Variants in KIF21A observed in about 807,000 individuals in gnomAD.
The protein encoded by KIF21A is kinesin family member 21A, also known as kinesin-like protein KIF21A.
A neutral mutation model predicts 202.9 loss-of-function variants in KIF21A; 114 were observed. The ratio of observed to expected loss-of-function variants is 0.56; its 90% confidence interval spans 0.48 to 0.66. KIF21A has a LOEUF of 0.66. Ranked by LOEUF, KIF21A falls within the 30% of genes least tolerant of loss-of-function variation. The probability of loss-of-function intolerance (pLI) is 0.00; values close to 1 mark genes in which losing one functional copy is unlikely to be tolerated. For synonymous variants in KIF21A, 667 were observed against 670.8 expected, an observed-to-expected ratio of 0.99 and a Z score of 0.09; for missense variants, 1,677 against 1,994.9, an observed-to-expected ratio of 0.84 and a Z score of 3.04.
chr12:39,301,537 T>A lies in KIF21A; in HGVS notation c.4874A>T (p.His1625Leu). ...TFMPVGEMKG[H>L]DSPINAICVN... ...ACATATGGCATTGATAGGACTATCA[T>A]GACCCTTCATCTCTCCCACTGGCAT... Residue 1625 changes from histidine (H) to leucine (L), a missense_variant, in exon 37 of 38, where the codon CAT (histidine) becomes CTT (leucine). Transcript: ENST00000361418. 6.2e-7 allele frequency: 1 copy of A among 1,614,144 alleles called. No homozygotes were observed. The highest frequency in any genetic ancestry group is 8.5e-7 in the Non-Finnish European group (1 of 1,179,990).
intron 35 of KIF21A, among the ~76,000 whole-genome samples, chr12:39,303,791 T>A (rs1182806309): frequency 6.6e-6 from 1 of 152,212 alleles, no homozygotes; most frequent in Admixed American, 6.5e-5. Flanking sequence ...AAGCTGCTGT[T>A]CAAAATCGTT....
chr12:39,391,853 C>T (rs1951379367), intron 1 of KIF21A, among the ~76,000 whole-genome samples: 1 of 151,988 alleles, frequency 6.6e-6, no homozygotes, highest in African/African-American at 2.4e-5. Context: ...AATTTTCTGC[C>T]CCAGCCTCCT....
chr12:39,319,442 G>C (rs1944960866), intron 28 of KIF21A, among the ~76,000 whole-genome samples: 1 of 152,080 alleles, frequency 6.6e-6, no homozygotes, highest in African/African-American at 2.4e-5. Context: ...AAACATGAGA[G>C]AGCAACAAGA....
intron 34 of KIF21A, among the ~76,000 whole-genome samples, chr12:39,306,694 G>T (rs1368079303): frequency 6.6e-6 from 1 of 152,048 alleles, no homozygotes; most frequent in East Asian, 1.9e-4. Flanking sequence ...CTGTTTAATG[G>T]CCTTTATTCT....
chr12:39,329,798 T>TA (rs548544572), intron 24 of KIF21A, among the ~76,000 whole-genome samples: 21 of 152,038 alleles, frequency 1.4e-4, no homozygotes, highest in Non-Finnish European at 2.8e-4. Flanking sequence ...AGTGTGTGCT[T>TA]AAATTTACAA....
chr12:39,358,340 T>C lies in KIF21A; in HGVS notation c.1053A>G (p.Ser351=). ...TTAACGTTTCCATAAAGTCTCTGTC[T>C]GAAGGGCTGACACATGCTATCATGA... ...QTIMIACVSP[S]DRDFMETLNT... Residue 351 remains serine, a synonymous_variant, in exon 8 of 38, where the codon TCA becomes TCG. Transcript: ENST00000361418. 6.2e-7 allele frequency: 1 copy of C among 1,614,110 alleles called. No individual in the cohort carries two copies.
intron 11 of KIF21A, 96 bp from the exon 12 acceptor site, chr12:39,346,600 A>G: frequency 1.3e-6 from 1 of 759,152 alleles, no homozygotes; most frequent in Non-Finnish European, 1.9e-6. Context: ...AAAATGATAC[A>G]TGAGCTTGAA....
chr12:39,331,175 T>C lies in KIF21A; in HGVS notation c.3154-264A>G, dbSNP rs562390931. Among the ~76,000 whole-genome samples, 3 of 151,190 alleles carry C rather than the reference T, an allele frequency of 2.0e-5. No homozygotes were observed. In the East Asian group the frequency reaches 5.8e-4, roughly 29 times the overall value. ...AGCACATTGTGAAAATTAAGTGAGA[T>C]GGCATAAGAACAGAAAGAATCTAAC... On this transcript the variant is annotated intron_variant, in intron 22 of 37. Transcript: ENST00000361418.
chr12:39,348,270 C>T (rs1948072197), intron 11 of KIF21A, among the ~76,000 whole-genome samples: 2 of 152,182 alleles, frequency 1.3e-5, no homozygotes, highest in South Asian at 4.1e-4. Context: ...GCTTCTTCTA[C>T]AGTTAAAGAG....
At chr12:39,426,339 G>GAT (rs1954749411) in intron 1 of KIF21A, among the ~76,000 whole-genome samples, 1 of 151,670 alleles carries the variant, frequency 6.6e-6, no homozygotes, top group Non-Finnish European at 1.5e-5. Flanking sequence ...GCATGTATGC[G>GAT]TGTACTCATA....
Position 39,366,537 on chromosome 12 carries a change from T to A in KIF21A, c.736-20A>T, listed in dbSNP as rs372589796. The A allele has an allele frequency of 2.2e-5, 33 of 1,518,506 alleles. No individual in the cohort carries two copies. The African/African-American group carries it at 4.4e-4, about 20-fold the overall frequency. The allele number at this position is 1,518,506 out of a possible 1,614,324, so 94.1% of individuals were successfully genotyped here. ...ATTGTCCTGAAATTAAGAAAAATAATTGAAAATACTTTATTAATGTAACAT... is the reference window on the plus strand; with the variant it reads ...ATTGTCCTGAAATTAAGAAAAATAAATGAAAATACTTTATTAATGTAACAT... On this transcript the variant is annotated intron_variant, in intron 5 of 37. Transcript: ENST00000361418.
chr12:39,341,073 G>A lies in KIF21A; in HGVS notation c.1943C>T (p.Ala648Val). The change falls in exon 15 of 38, where the codon GCA (alanine) becomes GTA (valine). Residue 648 changes from alanine to valine, a missense_variant. This residue lies in a region of KIF21A where 966 missense variants were observed against 1,180.9 expected (regional missense o/e 0.82). Transcript: ENST00000361418. ...DEKANYQADLANITCEIAIKQ... is the reference protein window; with the variant it reads ...DEKANYQADLVNITCEIAIKQ... Reference sequence around the variant, plus strand: ...AATTGCAATTTCACAAGTAATGTTTGCCAAGTCTGCTTGATAATTGGCTAT... The same window carrying A: ...AATTGCAATTTCACAAGTAATGTTTACCAAGTCTGCTTGATAATTGGCTAT... 6.2e-7 allele frequency: 1 copy of A among 1,607,546 alleles called. No homozygotes were observed.
intron 1 of KIF21A, among the ~76,000 whole-genome samples, chr12:39,415,113 G>A (rs1282299953): frequency 6.7e-6 from 1 of 150,094 alleles, no homozygotes; most frequent in Non-Finnish European, 1.5e-5. Context: ...TAGGAAGGCT[G>A]TTCAACAGAA....
At chr12:39,411,208 T>C (rs891801074) in intron 1 of KIF21A, among the ~76,000 whole-genome samples, 6 of 152,236 alleles carry the variant, frequency 3.9e-5, no homozygotes, top group African/African-American at 1.4e-4. Flanking sequence ...TAATATTTTA[T>C]GTGGGTAAAC....
intron 1 of KIF21A, among the ~76,000 whole-genome samples, chr12:39,430,593 A>G (rs981022378): frequency 6.6e-6 from 1 of 151,918 alleles, no homozygotes; most frequent in African/African-American, 2.4e-5. Context: ...AGAAAGAAAC[A>G]TATCAATTTA....
Position 39,332,900 on chromosome 12 carries a change from C to T in KIF21A, c.2695G>A (p.Gly899Arg). 1 of 1,613,660 alleles carries T rather than the reference C, an allele frequency of 6.2e-7. No homozygotes were observed. The highest frequency in any genetic ancestry group is 8.5e-7 in the Non-Finnish European group (1 of 1,179,950). ...GAACAGAATTATGTAGACCTGTTTC[C>T]ATTTGTTGCCGGCGTTGGTAAGGCC... is the stretch of plus-strand genomic sequence containing the variant. ...VQALPTPATN[G>R]NRKKYQRKGL... Residue 899 changes from glycine (G) to arginine (R), a missense_variant, in exon 19 of 38, where the codon GGA becomes AGA. Physicochemically the swap from Gly to Arg is moderately radical, Grantham distance 125. Transcript: ENST00000361418.
intron 37 of KIF21A, among the ~76,000 whole-genome samples, chr12:39,294,812 T>C (rs1279928181): frequency 6.6e-6 from 1 of 152,252 alleles, no homozygotes; most frequent in Non-Finnish European, 1.5e-5. Context: ...CCTCTTTTTA[T>C]TGAAGAGCTA....
intron 17 of KIF21A, among the ~76,000 whole-genome samples, chr12:39,335,921 C>A (rs1446570684): frequency 6.6e-6 from 1 of 152,156 alleles, no homozygotes; most frequent in African/African-American, 2.4e-5. Context: ...TACCTCACTA[C>A]CCCCCTTTTC....
chr12:39,337,455 A>G (rs1947078572), intron 16 of KIF21A: 1 of 437,334 alleles, frequency 2.3e-6, no homozygotes, highest in Non-Finnish European at 4.1e-6. Flanking sequence ...GCAACTTGAA[A>G]TCTTGATACT....
Sources: allele counts gnomAD v4.1 joint callset (sites outside exome capture counted in the v4.1 genomes callset), GRCh38; gene constraint gnomAD v4.1.1; regional missense constraint gnomAD v4.1.1; transcripts MANE v1.5; gene names NCBI Gene and HGNC (gene_info 2026-07-23, HGNC 2026-07-21).